AFF3: variants seen among roughly 807,000 people sequenced by gnomAD.
AFF3 encodes ALF transcription elongation factor 3.
In AFF3, 32 loss-of-function variants were observed where a neutral mutation model predicts 129.7. The ratio of observed to expected loss-of-function variants is 0.25; its 90% CI spans 0.19 to 0.33. The LOEUF (loss-of-function observed/expected upper bound fraction) is 0.33, where lower values mean the gene tolerates loss of function less well. Ranked by LOEUF, AFF3 falls within the 10% of genes least tolerant of loss-of-function variation. The pLI is 1.00. For synonymous variants in AFF3, 644 were observed against 635.4 expected (o/e 1.01, Z -0.20); for missense variants, 1,373 against 1,592.0 (o/e 0.86, Z 2.34).
At chr2:100,032,911 G>T (rs908646083) in intron 4 of AFF3, among the ~76,000 whole-genome samples, 4 of 152,190 alleles carry the variant, frequency 2.6e-5, no homozygotes, top group African/African-American at 7.2e-5. Context: ...ACCATAAGTA[G>T]TAAGTAATAA....
At chr2:100,021,413 C>T (rs1171338355) in intron 4 of AFF3, among the ~76,000 whole-genome samples, 2 of 152,090 alleles carry the variant, frequency 1.3e-5, no homozygotes, top group Admixed American at 6.6e-5. Flanking sequence ...GGTAAATGAA[C>T]GTTTGTTTCA....
At chr2:100,042,690 G>A (rs1239913815) in intron 4 of AFF3, among the ~76,000 whole-genome samples, 1 of 152,144 alleles carries the variant, frequency 6.6e-6, no homozygotes. Context: ...AAATTATTAA[G>A]TCAAGACATG....
intron 12 of AFF3, among the ~76,000 whole-genome samples, chr2:99,653,850 C>T (rs1243156656): frequency 2.0e-5 from 3 of 150,340 alleles, no homozygotes; most frequent in East Asian, 1.9e-4. Flanking sequence ...TGGTACTTAG[C>T]ACCATCAATT....
intron 3 of AFF3, chr2:100,105,269 A>G: frequency 8.6e-7 from 1 of 1,158,768 alleles, no homozygotes; most frequent in Non-Finnish European, 1.1e-6. Context: ...GGTGCGGGGG[A>G]ATTCCCCGGC....
intron 7 of AFF3, among the ~76,000 whole-genome samples, chr2:99,940,067 G>A (rs769140124): frequency 1.4e-4 from 21 of 152,124 alleles, no homozygotes; most frequent in African/African-American, 2.2e-4. Flanking sequence ...TGCCAAATGC[G>A]TATGTCTAAT....
intron 7 of AFF3, among the ~76,000 whole-genome samples, chr2:99,938,923 A>G (rs1174859025): frequency 6.6e-6 from 1 of 152,178 alleles, no homozygotes; most frequent in Non-Finnish European, 1.5e-5. Context: ...CACCTATAGA[A>G]TTACCTTTTT....
In AFF3 at chr2:100,030,066, A is replaced by AAATAAT. The variant is rs70940193; in HGVS notation, c.54-21140_54-21135dup. ...TGGGCGAGAGAGCAAGACTGTCTCA[A>AAATAAT]AATAATAATAATAATAATAATAATA... On this transcript the variant is annotated intron_variant, in intron 4 of 24. Transcript: ENST00000672756. 5.6e-3 allele frequency among the ~76,000 whole-genome samples: 832 copies of AAATAAT among 147,838 alleles called. 6 individuals carry two copies. Among genetic ancestry groups the AAATAAT allele is most frequent in the East Asian group, 0.015 (76 of 5,044 alleles).
At chr2:100,105,715 A>G in intron 2 of AFF3, 132 bp from the exon 3 acceptor site, 3 of 1,360,170 alleles carry the variant, frequency 2.2e-6, no homozygotes, top group Middle Eastern at 2.0e-4. Context: ...TCAGGGCCCT[A>G]CCTCTGCTTC....
intron 7 of AFF3, among the ~76,000 whole-genome samples, chr2:99,880,716 A>C (rs1313050851): frequency 6.6e-6 from 1 of 152,182 alleles, no homozygotes. Context: ...GCTCAGGAAG[A>C]AGCAATCTGG....
intron 1 of AFF3, among the ~76,000 whole-genome samples, chr2:100,133,421 T>C (rs1028341420): frequency 6.6e-6 from 1 of 152,150 alleles, no homozygotes; most frequent in Non-Finnish European, 1.5e-5. Context: ...AGTGCAGTCA[T>C]ACTACACATA....
At chr2:100,002,634 C>G (rs528501576) in intron 7 of AFF3, among the ~76,000 whole-genome samples, 2 of 152,184 alleles carry the variant, frequency 1.3e-5, no homozygotes, top group African/African-American at 4.8e-5. Context: ...TGTCTCTTTC[C>G]TTACCACTGA....
intron 7 of AFF3, among the ~76,000 whole-genome samples, chr2:99,879,543 G>A (rs978984498): frequency 2.0e-5 from 3 of 152,236 alleles, no homozygotes. Context: ...CTCGTGGGTA[G>A]GAGAATGAAA....
chr2:99,703,360 C>T (rs7582493), intron 11 of AFF3, among the ~76,000 whole-genome samples: 6,145 of 152,200 alleles, frequency 0.04, 430 homozygotes, highest in African/African-American at 0.14. Context: ...GTGAATGATA[C>T]GGTGGGGGGC....
intron 8 of AFF3, among the ~76,000 whole-genome samples, chr2:99,773,805 G>A (rs1683680307): frequency 6.6e-6 from 1 of 152,308 alleles, no homozygotes; most frequent in Admixed American, 6.5e-5. Flanking sequence ...GTTTGCAGAT[G>A]ACATGATCCT....
intron 8 of AFF3, among the ~76,000 whole-genome samples, chr2:99,824,928 G>A (rs770244144): frequency 3.3e-5 from 5 of 152,158 alleles, no homozygotes; most frequent in Non-Finnish European, 4.4e-5. Context: ...CAACCCCAGC[G>A]GTGGGTTAGC....
chr2:100,124,263 T>C (rs1427659756), intron 2 of AFF3, among the ~76,000 whole-genome samples: 1 of 152,088 alleles, frequency 6.6e-6, no homozygotes, highest in Non-Finnish European at 1.5e-5. Context: ...AGAAAAAATT[T>C]CCAAAGCTGA....
At chr2:99,749,729 C>G (rs1012180828) in intron 9 of AFF3, among the ~76,000 whole-genome samples, 1 of 152,216 alleles carries the variant, frequency 6.6e-6, no homozygotes, top group Non-Finnish European at 1.5e-5. Context: ...ATTTCATTCA[C>G]TGAGGTGTTG....
chr2:99,797,700 T>G (rs1271582339), intron 8 of AFF3, among the ~76,000 whole-genome samples: 1 of 151,948 alleles, frequency 6.6e-6, no homozygotes, highest in East Asian at 1.9e-4. Context: ...AAACAGAGAT[T>G]AGGATTACAA....
chr2:99,899,139 C>T (rs1383166494), intron 7 of AFF3, among the ~76,000 whole-genome samples: 3 of 152,162 alleles, frequency 2.0e-5, no homozygotes, highest in Non-Finnish European at 4.4e-5. Flanking sequence ...ATGCAAAATA[C>T]TGAATAGATA....
Sources: allele counts gnomAD v4.1 joint callset (sites outside exome capture counted in the v4.1 genomes callset), GRCh38; gene constraint gnomAD v4.1.1; transcripts MANE v1.5; gene names NCBI Gene and HGNC (gene_info 2026-07-23, HGNC 2026-07-21).